The following SLC18A1 variants were observed in gnomAD, a reference collection of about 807,000 sequenced individuals.
SLC18A1 encodes solute carrier family 18 member A1.
Under a neutral mutation model 53.7 loss-of-function variants are expected in SLC18A1, and 69 were observed. The ratio of observed to expected loss-of-function variants is 1.28; its 90% CI spans 1.06 to 1.57. SLC18A1 has a LOEUF of 1.57. SLC18A1 is among the 40% of genes most tolerant of loss of function. The pLI is 0.00. For synonymous variants in SLC18A1, 320 were observed against 248.1 expected, an observed-to-expected ratio of 1.29 and a Z score of -2.72; for missense variants, 932 against 668.1, an observed-to-expected ratio of 1.40 and a Z score of -4.35.
intron 10 of SLC18A1, among the ~76,000 whole-genome samples, chr8:20,162,662 C>G (rs1187018743): frequency 6.6e-6 from 1 of 152,176 alleles, no homozygotes; most frequent in Non-Finnish European, 1.5e-5. Context: ...CAAGGATGGC[C>G]TTTACTCTAG....
At chr8:20,169,529 A>C (rs1168529662) in intron 8 of SLC18A1, among the ~76,000 whole-genome samples, 1 of 152,186 alleles carries the variant, frequency 6.6e-6, no homozygotes, top group African/African-American at 2.4e-5. Flanking sequence ...CAATCAATCT[A>C]CTGTCAACTG....
rs762262767 is a variant in SLC18A1 at position 20,150,685 on chromosome 8, A to T, written c.1075T>A (p.Leu359Met). ...ACATACCGACCCATCTTGTTGGCCA[A>T]CACACCAAAGAGGTTGGTGCCAATG... ...YLIGTNLFGVLANKMGRWLCS... is the reference protein window; with the variant it reads ...YLIGTNLFGVMANKMGRWLCS... The change falls in exon 11 of 16, where the codon TTG (leucine) becomes ATG (methionine). Residue 359 changes from leucine to methionine, a missense_variant. Transcript: ENST00000276373. The T allele has an allele frequency of 3.9e-5, 63 of 1,614,054 alleles. No homozygotes were observed. The highest frequency in any genetic ancestry group is 6.7e-5 in the African/African-American group (5 of 74,930).
rs935600424 is a variant in SLC18A1 at position 20,147,921 on chromosome 8, C to T, written c.1210+86G>A. On this transcript the variant is annotated intron_variant, in intron 13 of 15. Transcript: ENST00000276373. ...GATCCTTCTGCCTCTGCACCTACCTCCTCTGATGAGAAAAGGGGGAGGAAA... is the reference window on the plus strand; with the variant it reads ...GATCCTTCTGCCTCTGCACCTACCTTCTCTGATGAGAAAAGGGGGAGGAAA... 13 of 1,504,450 alleles carry T rather than the reference C, an allele frequency of 8.6e-6. No individual in the cohort carries two copies. In the South Asian group the frequency reaches 1.3e-4, roughly 15 times the overall value. The allele number at this position is 1,504,450 out of a possible 1,614,324, so 93.2% of individuals were successfully genotyped here. A position where few individuals can be genotyped will look rare whatever the true frequency, so the allele number is the denominator to read the frequency against.
rs375980427 is a variant in SLC18A1, at chr8:20,164,917, G to T, written c.967C>A (p.Leu323Met). Residue 323 changes from leucine (L) to methionine (M), a missense_variant, in exon 10 of 16, where the codon CTG (leucine) becomes ATG (methionine). Leu to Met is a conservative substitution (Grantham distance 15). Transcript: ENST00000276373. ...ATGGTCTGCATCATCCAGATGGGCA[G>T]TGTGGGCTCCAGGATGGCCACCCCC... ...NMGVAILEPT[L>M]PIWMMQTMCS... 1.2e-6 allele frequency: 2 copies of T among 1,613,944 alleles called. No individual in the cohort carries two copies. Among genetic ancestry groups the T allele is most frequent in the Non-Finnish European group, 1.7e-6 (2 of 1,179,836 alleles).
chr8:20,178,819 C>G (rs1017074247), intron 3 of SLC18A1, among the ~76,000 whole-genome samples: 1 of 152,102 alleles, frequency 6.6e-6, no homozygotes, highest in African/African-American at 2.4e-5. Flanking sequence ...CAGGACTGTC[C>G]CATTCATACC....
At chr8:20,160,998 G>T (rs1219500493) in intron 10 of SLC18A1, among the ~76,000 whole-genome samples, 1 of 152,112 alleles carries the variant, frequency 6.6e-6, no homozygotes, top group African/African-American at 2.4e-5. Context: ...CCTACTAAAG[G>T]TTCCACTTCT....
At chr8:20,147,446 C>A in intron 14 of SLC18A1, 55 bp from the exon 15 acceptor site, 1 of 1,582,434 alleles carries the variant, frequency 6.3e-7, no homozygotes, top group Admixed American at 1.8e-5. Flanking sequence ...TATGGAGCAT[C>A]CTCCACGTAG....
At position 20,173,177 on chromosome 8, in the gene SLC18A1, C is replaced by T. The variant is rs115930769; in HGVS notation, c.632-49G>A. The T allele has an allele frequency of 1.7e-3, 2,318 of 1,399,770 alleles. 37 individuals carry two copies. In the African/African-American group the frequency reaches 0.028, roughly 17 times the overall value. 86.7% of individuals were successfully genotyped at this position (1,399,770 alleles called of 1,614,324 possible). A position where few individuals can be genotyped will look rare whatever the true frequency, so the allele number is the denominator to read the frequency against. On this transcript the variant is annotated intron_variant, in intron 5 of 15. Coordinates refer to ENST00000276373, the MANE Select transcript of SLC18A1 (RefSeq NM_003053.4). ...GCTGGCCCCCTGGGGGGCTTCTATC[C>T]GCCTCTCAGAGCCCTTGGTCCCACC...
chr8:20,166,191 T>C (rs928421965), intron 8 of SLC18A1, among the ~76,000 whole-genome samples: 40 of 150,802 alleles, frequency 2.7e-4, no homozygotes, highest in Non-Finnish European at 1.3e-4. Flanking sequence ...TTTATAACTA[T>C]AAAATACTGA....
At chr8:20,178,229 C>T (rs2072301209) in intron 4 of SLC18A1, among the ~76,000 whole-genome samples, 1 of 152,008 alleles carries the variant, frequency 6.6e-6, no homozygotes, top group South Asian at 2.1e-4. Context: ...TCTTCTATAG[C>T]AGAATAGACC....
intron 10 of SLC18A1, 143 bp downstream of exon 10, chr8:20,164,726 C>T: frequency 3.1e-6 from 2 of 637,434 alleles, no homozygotes; most frequent in East Asian, 2.8e-5. Context: ...ACCACACACC[C>T]TCTTGGGCTT....
intron 4 of SLC18A1, among the ~76,000 whole-genome samples, chr8:20,176,849 A>C (rs144871453): frequency 1.8e-3 from 277 of 152,348 alleles, no homozygotes; most frequent in African/African-American, 6.1e-3. Flanking sequence ...AGCTTTTAAC[A>C]CATGAATTCT....
intron 1 of SLC18A1, among the ~76,000 whole-genome samples, chr8:20,182,148 A>G (rs55806365): frequency 0.4 from 60,251 of 152,058 alleles, 14,623 homozygotes; most frequent in Non-Finnish European, 0.55. Flanking sequence ...GATTACCATC[A>G]TGAAATCTAT....
At chr8:20,157,873 A>G (rs2071721684) in intron 10 of SLC18A1, among the ~76,000 whole-genome samples, 1 of 152,168 alleles carries the variant, frequency 6.6e-6, no homozygotes, top group African/African-American at 2.4e-5. Flanking sequence ...GCTCTGGAAT[A>G]TGGAAAGCCT....
intron 11 of SLC18A1, among the ~76,000 whole-genome samples, chr8:20,150,221 T>G (rs1265638939): frequency 6.6e-6 from 1 of 152,228 alleles, no homozygotes; most frequent in East Asian, 1.9e-4. Flanking sequence ...CTTATTGTAG[T>G]GAAGGGACAG....
In SLC18A1 at chr8:20,145,062, C is replaced by G. The variant is rs1200376648; in HGVS notation, c.*701G>C. ...GAGGTTCAGAAAAGGTAGGAACACACAGGGGAGGTCAGGAGAATGTCAATA... is the reference window on the plus strand; with the variant it reads ...GAGGTTCAGAAAAGGTAGGAACACAGAGGGGAGGTCAGGAGAATGTCAATA... On this transcript the variant is annotated 3_prime_UTR_variant, in exon 16 of 16. Coordinates refer to ENST00000276373, the MANE Select transcript of SLC18A1 (RefSeq NM_003053.4). The G allele has an allele frequency of 6.6e-6, 1 of 151,916 alleles. No homozygotes were observed. Among genetic ancestry groups the G allele is most frequent in the Non-Finnish European group, 1.5e-5 (1 of 68,006 alleles). 9.4% of individuals were successfully genotyped at this position (151,916 alleles called of 1,614,324 possible).
At chr8:20,181,589 A>C (rs954135059) in intron 1 of SLC18A1, among the ~76,000 whole-genome samples, 1 of 152,138 alleles carries the variant, frequency 6.6e-6, no homozygotes, top group African/African-American at 2.4e-5. Context: ...CTCTCAAAAA[A>C]TTTTTAAAAC....
intron 1 of SLC18A1, chr8:20,181,714 G>C (rs906730472): frequency 1.2e-4 from 18 of 152,022 alleles, no homozygotes; most frequent in African/African-American, 3.9e-4. Flanking sequence ...AGTGTCACTT[G>C]GGCTGCCCAC....
At chr8:20,151,001 TCA>T (rs963250237) in intron 10 of SLC18A1, 1 of 429,314 alleles carries the variant, frequency 2.3e-6, no homozygotes, top group African/African-American at 2.0e-5. Context: ...AGACAGGGCC[TCA>T]CTCTGTCACC....
Sources: allele counts gnomAD v4.1 joint callset (sites outside exome capture counted in the v4.1 genomes callset), GRCh38; gene constraint gnomAD v4.1.1; transcripts MANE v1.5; gene names NCBI Gene and HGNC (gene_info 2026-07-23, HGNC 2026-07-21).